Variants in PRR5L observed in about 807,000 individuals in gnomAD.
PRR5L encodes proline-rich protein 5-like.
Under a neutral mutation model 36.4 loss-of-function variants are expected in PRR5L, and 21 were observed. That is an observed-to-expected ratio of 0.58 (90% CI 0.41 to 0.83). PRR5L has a LOEUF of 0.83. Ranked by LOEUF, PRR5L falls within the 40% of genes least tolerant of loss-of-function variation. The probability of loss-of-function intolerance (pLI) is 0.00; values close to 1 mark genes in which losing one functional copy is unlikely to be tolerated. For missense variants in PRR5L, 381 were observed against 473.3 expected (o/e 0.80, Z 1.81); for synonymous variants, 188 against 197.0 (o/e 0.95, Z 0.38).
At chr11:36,406,321 T>C (rs191531141) in intron 3 of PRR5L, among the ~76,000 whole-genome samples, 1 of 152,188 alleles carries the variant, frequency 6.6e-6, no homozygotes, top group Admixed American at 6.5e-5. Context: ...TGCCCAGATA[T>C]AAATTGAGCC....
chr11:36,427,165 T>G (rs1858399551), intron 4 of PRR5L, among the ~76,000 whole-genome samples: 1 of 152,232 alleles, frequency 6.6e-6, no homozygotes, highest in South Asian at 2.1e-4. Flanking sequence ...TTTTTCTGTT[T>G]GCAGCCCGTT....
chr11:36,417,802 G>T (rs1196829351), intron 3 of PRR5L, among the ~76,000 whole-genome samples: 1 of 152,150 alleles, frequency 6.6e-6, no homozygotes, highest in Non-Finnish European at 1.5e-5. Flanking sequence ...GTGTTTTGGG[G>T]GAGTGAATAC....
At chr11:36,348,990 A>C (rs1448084985) in intron 1 of PRR5L, among the ~76,000 whole-genome samples, 1 of 152,168 alleles carries the variant, frequency 6.6e-6, no homozygotes, top group Non-Finnish European at 1.5e-5. Flanking sequence ...CTCGCTGAAA[A>C]ATTGAAGATT....
At chr11:36,362,763 A>G (rs1418535463) in intron 1 of PRR5L, among the ~76,000 whole-genome samples, 2 of 152,158 alleles carry the variant, frequency 1.3e-5, no homozygotes, top group African/African-American at 4.8e-5. Context: ...GGATTCAAAG[A>G]TAAATAATGT....
chr11:36,326,538 C>T (rs1317657085), intron 1 of PRR5L, among the ~76,000 whole-genome samples: 4 of 152,138 alleles, frequency 2.6e-5, no homozygotes, highest in African/African-American at 4.8e-5. Context: ...ATCTTTTAAT[C>T]TCTAATAATT....
intron 1 of PRR5L, among the ~76,000 whole-genome samples, chr11:36,298,578 C>T (rs1360554677): frequency 2.0e-5 from 3 of 152,130 alleles, no homozygotes; most frequent in Non-Finnish European, 4.4e-5. Flanking sequence ...GGAGGTGGAG[C>T]TCAGGTGGTA....
chr11:36,342,886 G>A (rs1481645404), intron 1 of PRR5L, among the ~76,000 whole-genome samples: 1 of 152,226 alleles, frequency 6.6e-6, no homozygotes, highest in Admixed American at 6.5e-5. Flanking sequence ...AAACCTGCAG[G>A]CATTTAAAAA....
intron 1 of PRR5L, among the ~76,000 whole-genome samples, chr11:36,325,877 G>C (rs1216374284): frequency 2.0e-5 from 3 of 152,132 alleles, no homozygotes; most frequent in Non-Finnish European, 4.4e-5. Flanking sequence ...TATCCTTTCA[G>C]TAATCTTTAC....
chr11:36,356,425 T>C (rs984034547), intron 1 of PRR5L, among the ~76,000 whole-genome samples: 1 of 152,096 alleles, frequency 6.6e-6, no homozygotes, highest in Non-Finnish European at 1.5e-5. Context: ...TTGAGGGAAG[T>C]GAGAAAAGGG....
chr11:36,311,893 T>G (rs1282171796), intron 1 of PRR5L, among the ~76,000 whole-genome samples: 6 of 152,184 alleles, frequency 3.9e-5, no homozygotes, highest in Admixed American at 3.9e-4. Context: ...TGGGAAAGAT[T>G]AAATATTAAT....
At position 36,365,075 on chromosome 11, in the gene PRR5L, A is replaced by C. The variant is rs1857130675; in HGVS notation, c.-125-35922A>C. On this transcript the variant is annotated intron_variant, in intron 1 of 8. Transcript: ENST00000530639. ...TAGTCTGGGCCTGGTACTTAATGTA[A>C]ACTCAGTAAATAATGGCTGCTCATG... 1.3e-5 allele frequency among the ~76,000 whole-genome samples: 2 copies of C among 152,190 alleles called. 1 individual carries two copies. Among genetic ancestry groups the C allele is most frequent in the South Asian group, 4.1e-4 (2 of 4,834 alleles).
chr11:36,357,358 G>A (rs769453326), intron 1 of PRR5L, among the ~76,000 whole-genome samples: 3 of 152,238 alleles, frequency 2.0e-5, no homozygotes, highest in Non-Finnish European at 4.4e-5. Context: ...TTATATGGAA[G>A]ATCTAGCTAA....
intron 1 of PRR5L, chr11:36,398,600 C>T (rs1857719843): frequency 6.6e-6 from 1 of 152,218 alleles, no homozygotes; most frequent in Admixed American, 6.5e-5. Flanking sequence ...AGTGGCAACT[C>T]GTTGTGTGTG....
chr11:36,315,646 T>A (rs572076957), intron 1 of PRR5L, among the ~76,000 whole-genome samples: 5 of 152,372 alleles, frequency 3.3e-5, no homozygotes, highest in African/African-American at 1.2e-4. Context: ...TTGACCAGTG[T>A]TCCCTTTGAT....
chr11:36,433,461 T>C (rs573465), intron 5 of PRR5L, among the ~76,000 whole-genome samples: 149,566 of 152,314 alleles, frequency 0.98, 73,468 homozygotes, highest in Non-Finnish European at 1. Context: ...TTCCATTTTA[T>C]GTGTATGCTA....
At chr11:36,365,262 T>C (rs1422640324) in intron 1 of PRR5L, among the ~76,000 whole-genome samples, 2 of 151,958 alleles carry the variant, frequency 1.3e-5, no homozygotes, top group Middle Eastern at 3.2e-3. Context: ...CTTTTTTTTT[T>C]CTCTGTAAAT....
chr11:36,330,199 A>T (rs12421160), intron 1 of PRR5L, among the ~76,000 whole-genome samples: 1 of 152,182 alleles, frequency 6.6e-6, no homozygotes, highest in African/African-American at 2.4e-5. Context: ...GTTTACAGAC[A>T]TATAATCTAC....
chr11:36,388,569 A>G (rs934045606), intron 1 of PRR5L, among the ~76,000 whole-genome samples: 2 of 152,160 alleles, frequency 1.3e-5, no homozygotes, highest in Non-Finnish European at 2.9e-5. Context: ...TTGCCCTTCC[A>G]GAGACATTTT....
intron 3 of PRR5L, among the ~76,000 whole-genome samples, chr11:36,410,841 G>A (rs560886546): frequency 1.3e-5 from 2 of 152,280 alleles, no homozygotes; most frequent in East Asian, 3.9e-4. Context: ...AGTGAGGTGG[G>A]TGATTTCAGA....
Sources: allele counts gnomAD v4.1 joint callset (sites outside exome capture counted in the v4.1 genomes callset), GRCh38; gene constraint gnomAD v4.1.1; transcripts MANE v1.5; gene names NCBI Gene and HGNC (gene_info 2026-07-23, HGNC 2026-07-21).